RBFOX2: variants seen among roughly 807,000 people sequenced by gnomAD.
RBFOX2 encodes the protein RNA binding fox-1 homolog 2, also known as RNA binding protein fox-1 homolog 2.
A neutral mutation model predicts 49.1 loss-of-function variants in RBFOX2; 10 were observed. The ratio of observed to expected loss-of-function variants is 0.20; its 90% CI spans 0.13 to 0.35. The LOEUF (loss-of-function observed/expected upper bound fraction) is 0.35, where lower values mean the gene tolerates loss of function less well. RBFOX2 is among the 10% of genes least tolerant of loss of function. The pLI, the probability that RBFOX2 is intolerant of heterozygous loss-of-function variation, is 1.00. For missense variants in RBFOX2, 323 were observed against 486.9 expected (o/e 0.66, Z 3.17); for synonymous variants, 183 against 187.4 (o/e 0.98, Z 0.19).
intron 4 of RBFOX2, among the ~76,000 whole-genome samples, chr22:35,770,074 TCAA>T: frequency 6.6e-6 from 1 of 152,162 alleles, no homozygotes; most frequent in African/African-American, 2.4e-5. Context: ...AATTTTGATA[TCAA>T]CATTTATAGC....
intron 1 of RBFOX2, among the ~76,000 whole-genome samples, chr22:36,000,794 C>T (rs1322251714): frequency 1.3e-5 from 2 of 152,098 alleles, no homozygotes; most frequent in East Asian, 3.9e-4. Flanking sequence ...ATTCTTTCTG[C>T]TTTTGCCTGC....
chr22:35,921,795 A>G (rs1309021901), intron 1 of RBFOX2, among the ~76,000 whole-genome samples: 1 of 152,234 alleles, frequency 6.6e-6, no homozygotes, highest in East Asian at 1.9e-4. Context: ...AGAGATGGAC[A>G]AGAGAATCCA....
At chr22:35,847,614 A>G (rs1198459067) in intron 1 of RBFOX2, among the ~76,000 whole-genome samples, 2 of 152,172 alleles carry the variant, frequency 1.3e-5, no homozygotes, top group African/African-American at 4.8e-5. Context: ...AAAGTAATAA[A>G]TAAGATTGTA....
chr22:35,962,868 C>T (rs2056317632), upstream of RBFOX2, among the ~76,000 whole-genome samples: 2 of 151,794 alleles, frequency 1.3e-5, no homozygotes, highest in Admixed American at 6.6e-5. Context: ...ACTGAATCAA[C>T]GCAGTGGCTA....
intron 1 of RBFOX2, among the ~76,000 whole-genome samples, chr22:35,953,146 G>A (rs1271489994): frequency 6.8e-6 from 1 of 147,160 alleles, no homozygotes; most frequent in Non-Finnish European, 1.5e-5. Flanking sequence ...GGGAGGCAGA[G>A]CTTGCAGTGA....
At chr22:35,876,262 G>A in intron 1 of RBFOX2, among the ~76,000 whole-genome samples, 1 of 151,872 alleles carries the variant, frequency 6.6e-6, no homozygotes. Context: ...GTCTTGCTCT[G>A]TCACCCAGGC....
In RBFOX2 at chr22:35,974,991, G is replaced by A. The variant is rs138434561; in HGVS notation, c.187-36094C>T. Among the ~76,000 whole-genome samples, 6 of 152,286 alleles carry A rather than the reference G, an allele frequency of 3.9e-5. No individual in the cohort carries two copies. The East Asian group carries it at 7.7e-4, about 20-fold the overall frequency. The stretch of plus-strand genomic sequence containing the variant: ...AAAGCACAGAGGCAACGTAGTAGAC[G>A]GGGCTTCTCAAACTGTGAGGAGCAA... On this transcript the variant is annotated intron_variant, in intron 1 of 13. Coordinates refer to the RBFOX2 transcript ENST00000438146.
intron 1 of RBFOX2, among the ~76,000 whole-genome samples, chr22:35,977,630 T>C (rs1291116796): frequency 6.6e-5 from 10 of 150,760 alleles, no homozygotes; most frequent in Non-Finnish European, 1.0e-4. Context: ...ATTGTGGTAG[T>C]GGTTACATGT....
exon 12 of RBFOX2, chr22:35,743,584 G>A (rs371513393): frequency 6.6e-6 from 1 of 152,338 alleles, no homozygotes; most frequent in Non-Finnish European, 1.5e-5. Flanking sequence ...TAAAAAGAAC[G>A]GAGAAGACAG....
At chr22:35,992,077 G>A (rs1199653461) in intron 1 of RBFOX2, among the ~76,000 whole-genome samples, 1 of 152,096 alleles carries the variant, frequency 6.6e-6, no homozygotes, top group Non-Finnish European at 1.5e-5. Flanking sequence ...CTATTAAACA[G>A]CAAAGTCAAT....
intron 1 of RBFOX2, among the ~76,000 whole-genome samples, chr22:35,912,233 A>AG (rs2049916064): frequency 6.6e-6 from 1 of 152,196 alleles, no homozygotes; most frequent in African/African-American, 2.4e-5. Context: ...AGCCCAACAT[A>AG]AAGTGTGGCA....
chr22:35,833,178 AGTAAACATTCTGGAAACC>A (rs1340962812), intron 1 of RBFOX2, among the ~76,000 whole-genome samples: 11 of 152,250 alleles, frequency 7.2e-5, no homozygotes, highest in African/African-American at 2.7e-4. Flanking sequence ...CAGGACAGTC[AGTAAACATTCTGGAAACC>A]GTATGTTTTC....
At chr22:35,890,362 T>C (rs1400793343) in intron 1 of RBFOX2, among the ~76,000 whole-genome samples, 8 of 152,182 alleles carry the variant, frequency 5.3e-5, no homozygotes, top group Non-Finnish European at 1.2e-4. Context: ...CTGAATTCTA[T>C]ATATACTACG....
At chr22:36,007,627 C>G (rs2058666196) in intron 1 of RBFOX2, among the ~76,000 whole-genome samples, 1 of 152,004 alleles carries the variant, frequency 6.6e-6, no homozygotes, top group Non-Finnish European at 1.5e-5. Flanking sequence ...TTTTTATATA[C>G]AATAAAAATT....
intron 1 of RBFOX2, chr22:35,836,468 G>A (rs1393708080): frequency 6.6e-6 from 1 of 152,252 alleles, no homozygotes; most frequent in East Asian, 1.9e-4. Flanking sequence ...GCAGACAATG[G>A]AACTGGTGAT....
chr22:35,840,239 A>G, exon 1 of RBFOX2: 1 of 1,614,188 alleles, frequency 6.2e-7, no homozygotes, highest in South Asian at 1.1e-5. Context: ...GATAGATGAT[A>G]AACCTTTCAA....
At chr22:36,025,201 T>C (rs1422386940) in intron 1 of RBFOX2, among the ~76,000 whole-genome samples, 2 of 152,186 alleles carry the variant, frequency 1.3e-5, no homozygotes, top group Non-Finnish European at 1.5e-5. Context: ...CTCTCTCTGC[T>C]CCAGCTATTA....
chr22:35,841,305 T>C (rs1020894820), upstream of RBFOX2, among the ~76,000 whole-genome samples: 1 of 152,184 alleles, frequency 6.6e-6, no homozygotes, highest in Non-Finnish European at 1.5e-5. Flanking sequence ...ATAGTAATTG[T>C]TATAGAATGC....
At chr22:35,768,325 T>C in exon 5 of RBFOX2, 3 of 1,614,138 alleles carry the variant, frequency 1.9e-6, no homozygotes, top group Non-Finnish European at 2.5e-6. Context: ...TCAGCACTAT[T>C]CTCGAAAGTT....
Sources: allele counts gnomAD v4.1 joint callset (sites outside exome capture counted in the v4.1 genomes callset), GRCh38; gene constraint gnomAD v4.1.1; transcripts MANE v1.5; gene names NCBI Gene and HGNC (gene_info 2026-07-23, HGNC 2026-07-21).